EFR3A: variants seen among roughly 807,000 people sequenced by gnomAD.
EFR3A encodes EFR3 homolog A.
In EFR3A, 76 loss-of-function variants were observed where a neutral mutation model predicts 104.4. The ratio of observed to expected loss-of-function variants is 0.73; its 90% CI spans 0.60 to 0.88. EFR3A has a LOEUF of 0.88. Among genes scored for constraint, EFR3A ranks in the 40% least tolerant of loss-of-function variants. EFR3A has a pLI of 0.00. For missense variants in EFR3A, 985 were observed against 1,012.5 expected, an observed-to-expected ratio of 0.97 and a Z score of 0.37; for synonymous variants, 330 against 330.0, an observed-to-expected ratio of 1.00 and a Z score of 0.00.
chr8:131,946,659 A>G (rs1287901297), intron 4 of EFR3A, 26 bp downstream of exon 4: 1 of 1,513,252 alleles, frequency 6.6e-7, no homozygotes, highest in Admixed American at 2.2e-5. Flanking sequence ...CTGTTACTAA[A>G]TGTATGCTTA....
chr8:131,957,524 A>G (rs1420975874), intron 7 of EFR3A, among the ~76,000 whole-genome samples: 2 of 151,790 alleles, frequency 1.3e-5, no homozygotes, highest in Non-Finnish European at 2.9e-5. Flanking sequence ...CCAATTTTGT[A>G]TTTTTAGTAG....
chr8:131,942,962 G>T (rs910256444), intron 2 of EFR3A, among the ~76,000 whole-genome samples: 1 of 152,070 alleles, frequency 6.6e-6, no homozygotes, highest in East Asian at 1.9e-4. Flanking sequence ...TGCCTGAAGA[G>T]GGAGAGATGG....
At chr8:131,952,083 C>CTAG (rs1221430001) in intron 5 of EFR3A, among the ~76,000 whole-genome samples, 2 of 152,024 alleles carry the variant, frequency 1.3e-5, no homozygotes, top group Non-Finnish European at 2.9e-5. Flanking sequence ...AGTCATGCAT[C>CTAG]ACAATCTTTA....
intron 1 of EFR3A, among the ~76,000 whole-genome samples, chr8:131,927,959 A>G (rs995077104): frequency 1.3e-5 from 2 of 152,206 alleles, no homozygotes; most frequent in Non-Finnish European, 1.5e-5. Context: ...CCTGTTCATC[A>G]TGATTTTGCA....
At chr8:131,938,371 A>G (rs1378360512) in intron 1 of EFR3A, 4 of 395,808 alleles carry the variant, frequency 1.0e-5, no homozygotes, top group African/African-American at 6.2e-5. Context: ...GAATATTCAT[A>G]TTTATTTAAA....
rs1451201662 is a variant in EFR3A at position 131,955,873 on chromosome 8, G to A, written c.744G>A (p.Gly248=). The A allele has an allele frequency of 6.2e-7, 1 of 1,613,322 alleles. No homozygotes were observed. Among genetic ancestry groups the A allele is most frequent in the Admixed American group, 1.7e-5 (1 of 59,954 alleles). The part of the protein sequence containing the change: ...FRELLGRATF[G]NMNNAVRPVF... ...AACTGCTGGGTCGAGCAACTTTTGG[G>A]AATATGAATAATGCTGTTAGACCAG... Residue 248 remains glycine (G), a synonymous_variant, in exon 7 of 23, where the codon GGG becomes GGA. Coordinates refer to ENST00000254624, the MANE Select transcript of EFR3A (RefSeq NM_015137.6).
chr8:131,973,654 G>A (rs73349373), intron 10 of EFR3A, among the ~76,000 whole-genome samples: 2,222 of 152,080 alleles, frequency 0.015, 65 homozygotes, highest in African/African-American at 0.049. Context: ...TCAGATCATG[G>A]CGTTATTCCT....
chr8:131,942,656 A>T (rs574963946), intron 2 of EFR3A, among the ~76,000 whole-genome samples: 1 of 152,148 alleles, frequency 6.6e-6, no homozygotes, highest in African/African-American at 2.4e-5. Context: ...GAATGAAAAG[A>T]TAATCTGATA....
At chr8:131,944,414 A>C (rs898634501) in intron 2 of EFR3A, among the ~76,000 whole-genome samples, 14 of 152,084 alleles carry the variant, frequency 9.2e-5, no homozygotes, top group African/African-American at 2.7e-4. Flanking sequence ...CACATTTTTA[A>C]ACTGAAACAA....
At chr8:131,948,858 A>C (rs1818563569) in intron 4 of EFR3A, among the ~76,000 whole-genome samples, 1 of 152,120 alleles carries the variant, frequency 6.6e-6, no homozygotes, top group Non-Finnish European at 1.5e-5. Context: ...GTCAAACATG[A>C]CCAGTGCTAA....
At chr8:131,932,225 T>G (rs547876661) in intron 1 of EFR3A, among the ~76,000 whole-genome samples, 1 of 152,224 alleles carries the variant, frequency 6.6e-6, no homozygotes, top group East Asian at 1.9e-4. Flanking sequence ...ATTTTTCTGT[T>G]TTGTATGTGG....
intron 10 of EFR3A, among the ~76,000 whole-genome samples, chr8:131,975,315 G>A (rs982554269): frequency 6.6e-6 from 1 of 151,564 alleles, no homozygotes; most frequent in African/African-American, 2.4e-5. Flanking sequence ...GACAATGTGT[G>A]GCCTGATTAC....
At chr8:131,978,706 T>C in intron 12 of EFR3A, 141 bp from the exon 13 acceptor site, 1 of 645,748 alleles carries the variant, frequency 1.5e-6, no homozygotes, top group Non-Finnish European at 2.4e-6. Context: ...TTCATTACTT[T>C]GCACATTTCT....
chr8:131,927,977 A>ATT (rs1184049965), intron 1 of EFR3A, among the ~76,000 whole-genome samples: 3 of 152,196 alleles, frequency 2.0e-5, no homozygotes, highest in Non-Finnish European at 4.4e-5. Context: ...GCAAGCATTG[A>ATT]TAGTAATTCT....
At position 132,011,214 on chromosome 8, in the gene EFR3A, AAAGT is replaced by A. The variant is rs536847107; in HGVS notation, c.*323_*326del. ...TTTTCACAAATGTAATGTTTTTTAAAAAGTAAGCCTTCAGAGGATTGAAACTGTA... is the reference window on the plus strand; with the variant it reads ...TTTTCACAAATGTAATGTTTTTTAAAAAGCCTTCAGAGGATTGAAACTGTA... On this transcript the variant is annotated 3_prime_UTR_variant, in exon 23 of 23. Transcript: ENST00000254624. 1.8e-4 allele frequency: 184 copies of A among 1,017,886 alleles called. No homozygotes were observed. The African/African-American group carries it at 2.9e-3, about 16-fold the overall frequency. The allele number at this position is 1,017,886 out of a possible 1,614,324, so 63.1% of individuals were successfully genotyped here.
At chr8:131,922,047 C>G (rs1412854803) in intron 1 of EFR3A, among the ~76,000 whole-genome samples, 2 of 152,184 alleles carry the variant, frequency 1.3e-5, no homozygotes, top group Non-Finnish European at 2.9e-5. Context: ...CTTCTGAAGG[C>G]TCTAGGGAAG....
chr8:132,010,957 T>G lies in EFR3A; in HGVS notation c.*62T>G. 6.7e-7 allele frequency: 1 copy of G among 1,493,526 alleles called. No individual in the cohort carries two copies. The highest frequency in any genetic ancestry group is 1.4e-5 in the South Asian group (1 of 73,482). 92.5% of individuals were successfully genotyped at this position (1,493,526 alleles called of 1,614,324 possible). ...CCTAAAAATTAAGGCCAAGCTGAGC[T>G]TTCAGGGTTTACTTAATGTGTATTA... On this transcript the variant is annotated 3_prime_UTR_variant, in exon 23 of 23. Transcript: ENST00000254624.
chr8:131,975,410 C>CTT lies in EFR3A; in HGVS notation c.1160-616_1160-615insTT, dbSNP rs760100564. Among the ~76,000 whole-genome samples, 758 of 101,678 alleles carry CTT rather than the reference C, an allele frequency of 7.5e-3. 6 individuals carry two copies. Among genetic ancestry groups the CTT allele is most frequent in the East Asian group, 0.028 (86 of 3,036 alleles). The allele number at this position is 101,678 out of a possible 152,430, so 66.7% of individuals were successfully genotyped here. ...AATATTTTTCCTTCTTTTTTTTTTC[C>CTT]TATTTTTTTTTTTTTTTTTTTTGGA... On this transcript the variant is annotated intron_variant, in intron 10 of 22. Coordinates refer to ENST00000254624, the MANE Select transcript of EFR3A (RefSeq NM_015137.6).
chr8:132,010,804 CAT>C lies in EFR3A; in HGVS notation c.2376_2377del (p.Ser793ArgfsTer19). On this transcript the variant is annotated frameshift_variant, in exon 23 of 23. Transcript: ENST00000254624. LOFTEE classifies it high-confidence loss of function. ...TTCTTTTATAGTCCTCCTCCCAGTC[CAT>C]CAGGAACACTGACCATTACTTCTGG... is the stretch of plus-strand genomic sequence containing the variant. 3 of 1,612,188 alleles carry C rather than the reference CAT, an allele frequency of 1.9e-6. No homozygotes were observed. Among genetic ancestry groups the C allele is most frequent in the Non-Finnish European group, 2.5e-6 (3 of 1,178,702 alleles).
Sources: gnomAD v4.1 joint callset for allele counts (sites outside exome capture counted in the v4.1 genomes callset) on GRCh38, gnomAD v4.1.1 for gene constraint, MANE v1.5 for transcripts, NCBI Gene and HGNC (gene_info 2026-07-23, HGNC 2026-07-21) for gene names.